Variants in SESN1 observed in about 807,000 individuals in gnomAD.
SESN1 encodes sestrin 1.
SESN1 carries 30 observed loss-of-function variants against 59.3 expected under a neutral mutation model. That is an observed-to-expected ratio of 0.51 (90% CI 0.38 to 0.69). The LOEUF is 0.69. Among genes scored for constraint, SESN1 ranks in the 30% least tolerant of loss-of-function variants. The probability of loss-of-function intolerance (pLI) is 0.00; values close to 1 mark genes in which losing one functional copy is unlikely to be tolerated. For missense variants in SESN1, 566 were observed against 673.0 expected, an observed-to-expected ratio of 0.84 and a Z score of 1.76; for synonymous variants, 197 against 219.9, an observed-to-expected ratio of 0.90 and a Z score of 0.92.
chr6:109,014,576 AAGAC>A (rs1190198571), intron 1 of SESN1, among the ~76,000 whole-genome samples: 1 of 152,204 alleles, frequency 6.6e-6, no homozygotes, highest in African/African-American at 2.4e-5. Context: ...AGAGGGTAGA[AAGAC>A]AGAAAAATTT....
intron 1 of SESN1, among the ~76,000 whole-genome samples, chr6:109,004,973 TATAGAGA>T (rs1779703983): frequency 6.6e-6 from 1 of 152,042 alleles, no homozygotes; most frequent in African/African-American, 2.4e-5. Context: ...GAAAAAAGAG[TATAGAGA>T]ATATATTACT....
At chr6:109,009,472 G>A in intron 1 of SESN1, 4 of 1,252,930 alleles carry the variant, frequency 3.2e-6, no homozygotes, top group Non-Finnish European at 4.0e-6. Context: ...TCGGCGCGGG[G>A]ACGGCTGCGG....
chr6:109,086,856 G>A (rs779242515), intron 1 of SESN1, among the ~76,000 whole-genome samples: 56 of 152,246 alleles, frequency 3.7e-4, no homozygotes, highest in Non-Finnish European at 7.2e-4. Context: ...AAATCAGGCC[G>A]GGCACTGTGG....
At chr6:109,024,594 T>C (rs1003367307) in intron 1 of SESN1, among the ~76,000 whole-genome samples, 1 of 152,200 alleles carries the variant, frequency 6.6e-6, no homozygotes, top group African/African-American at 2.4e-5. Context: ...ACTCAATAAG[T>C]TGAAAATATC....
chr6:109,091,360 C>T (rs1234720648), intron 1 of SESN1, among the ~76,000 whole-genome samples: 1 of 152,152 alleles, frequency 6.6e-6, no homozygotes, highest in Non-Finnish European at 1.5e-5. Context: ...AAATATGATA[C>T]CACCTAACGA....
intron 1 of SESN1, among the ~76,000 whole-genome samples, chr6:109,041,745 T>G (rs1780346415): frequency 6.6e-6 from 1 of 151,982 alleles, no homozygotes. Context: ...AAATCCATAA[T>G]TATAGCAGGA....
chr6:109,066,893 C>G (rs1381947013), intron 1 of SESN1, among the ~76,000 whole-genome samples: 7 of 136,712 alleles, frequency 5.1e-5, no homozygotes, highest in Admixed American at 4.9e-4. Context: ...GTTGAAGTAA[C>G]AGATGCCAGA....
chr6:109,065,879 G>A (rs1780816791), intron 1 of SESN1, among the ~76,000 whole-genome samples: 1 of 151,296 alleles, frequency 6.6e-6, no homozygotes, highest in Admixed American at 6.6e-5. Flanking sequence ...TCTATAATTA[G>A]AATCTAAAAC....
chr6:109,008,167 G>A (rs887664147), intron 1 of SESN1, among the ~76,000 whole-genome samples: 1 of 152,108 alleles, frequency 6.6e-6, no homozygotes, highest in Non-Finnish European at 1.5e-5. Flanking sequence ...GCTATCTTTA[G>A]AAATTCTAGA....
chr6:109,059,893 C>G (rs1780703088), intron 1 of SESN1, among the ~76,000 whole-genome samples: 1 of 152,156 alleles, frequency 6.6e-6, no homozygotes, highest in South Asian at 2.1e-4. Context: ...CACAGGAAGA[C>G]AGGCCTAGAC....
chr6:109,028,582 CTAGGGGG>C (rs545024519), intron 1 of SESN1, among the ~76,000 whole-genome samples: 158 of 152,192 alleles, frequency 1.0e-3, no homozygotes, highest in Non-Finnish European at 2.0e-3. Flanking sequence ...CCGGGCAATA[CTAGGGGG>C]TAAGACAGGG....
chr6:109,005,195 A>G (rs548249898), intron 1 of SESN1, among the ~76,000 whole-genome samples: 1 of 152,350 alleles, frequency 6.6e-6, no homozygotes, highest in South Asian at 2.1e-4. Flanking sequence ...GGCTGTTTCA[A>G]TAAAGTTCAG....
chr6:109,085,885 T>C (rs1464493914), intron 1 of SESN1, among the ~76,000 whole-genome samples: 2 of 152,180 alleles, frequency 1.3e-5, no homozygotes, highest in Non-Finnish European at 2.9e-5. Context: ...CTGCCCTCCC[T>C]GACCAGCATC....
chr6:109,088,994 C>T (rs148277019), intron 1 of SESN1, among the ~76,000 whole-genome samples: 3 of 152,206 alleles, frequency 2.0e-5, no homozygotes, highest in East Asian at 1.9e-4. Context: ...TTTAAACATG[C>T]TGATGTGGAA....
At chr6:109,051,440 T>A (rs1445936115) in intron 1 of SESN1, among the ~76,000 whole-genome samples, 1 of 152,192 alleles carries the variant, frequency 6.6e-6, no homozygotes, top group Non-Finnish European at 1.5e-5. Flanking sequence ...TAATACTATA[T>A]GAATGGACTC....
chr6:109,000,238 T>G (rs145983318), intron 4 of SESN1: 136 of 295,898 alleles, frequency 4.6e-4, no homozygotes, highest in Middle Eastern at 9.3e-4. Context: ...CATTAGGCAT[T>G]TGTCAAAATG....
chr6:109,017,350 A>G (rs1217994446), intron 1 of SESN1, among the ~76,000 whole-genome samples: 2 of 152,096 alleles, frequency 1.3e-5, no homozygotes, highest in African/African-American at 4.8e-5. Context: ...CAGTGGTGCA[A>G]TCTTGGCTCA....
At chr6:109,063,305 G>C (rs1232843610) in intron 1 of SESN1, among the ~76,000 whole-genome samples, 1 of 152,020 alleles carries the variant, frequency 6.6e-6, no homozygotes, top group Non-Finnish European at 1.5e-5. Context: ...GTGGTGGGAG[G>C]GAGCACACGA....
At chr6:108,994,772 G>A (rs1583261061) in intron 5 of SESN1, among the ~76,000 whole-genome samples, 163 bp from the exon 6 acceptor site, 1 of 143,808 alleles carries the variant, frequency 7.0e-6, no homozygotes, top group African/African-American at 2.6e-5. Context: ...GCGCGATCTC[G>A]GCTCACTGCA....
Sources: allele counts gnomAD v4.1 joint callset (sites outside exome capture counted in the v4.1 genomes callset), GRCh38; gene constraint gnomAD v4.1.1; transcripts MANE v1.5; gene names NCBI Gene and HGNC (gene_info 2026-07-23, HGNC 2026-07-21).